Variants in PCBD2 observed in about 807,000 individuals in gnomAD.
PCBD2 encodes pterin-4 alpha-carbinolamine dehydratase 2, also known as pterin-4-alpha-carbinolamine dehydratase 2.
In PCBD2, 12 loss-of-function variants were observed where a neutral mutation model predicts 16.4. The ratio of observed to expected loss-of-function variants is 0.73; its 90% CI spans 0.47 to 1.19. The LOEUF is 1.19. PCBD2 is among the 50% of genes most tolerant of loss of function. The pLI is 0.00. For synonymous variants in PCBD2, 58 were observed against 61.8 expected (o/e 0.94, Z 0.29); for missense variants, 138 against 156.8 (o/e 0.88, Z 0.64).
intron 2 of PCBD2, among the ~76,000 whole-genome samples, chr5:134,941,038 C>A (rs1177831227): frequency 1.3e-5 from 2 of 149,488 alleles, no homozygotes; most frequent in East Asian, 3.9e-4. Flanking sequence ...TCGCTTGAAC[C>A]AGGGAGTTGG....
chr5:134,910,421 G>C lies in PCBD2; in HGVS notation c.171G>C (p.Glu57Asp), dbSNP rs1366860748. The C allele has an allele frequency of 6.2e-7, 1 of 1,614,136 alleles. No individual in the cohort carries two copies. Among genetic ancestry groups the C allele is most frequent in the Non-Finnish European group, 8.5e-7 (1 of 1,179,934 alleles). Residue 57 changes from glutamate to aspartate, a missense_variant, in exon 2 of 4, where the codon GAG becomes GAC. Coordinates refer to ENST00000254908, the MANE Select transcript of PCBD2 (RefSeq NM_032151.5). ...CAGCAGGATGGTCGGAATTAAGTGA[G>C]AGAGATGCCATCTACAAAGAATTCT... is the stretch of plus-strand genomic sequence containing the variant. Reference protein sequence around the residue: ...LKAAGWSELSERDAIYKEFSF... With the variant: ...LKAAGWSELSDRDAIYKEFSF...
At chr5:134,953,609 A>T (rs1751383337) in intron 2 of PCBD2, among the ~76,000 whole-genome samples, 2 of 152,120 alleles carry the variant, frequency 1.3e-5, no homozygotes, top group Admixed American at 1.3e-4. Flanking sequence ...AGCTGGGCCA[A>T]CATGGCGAAA....
At chr5:134,936,575 G>T (rs1331758260) in intron 2 of PCBD2, among the ~76,000 whole-genome samples, 1 of 152,218 alleles carries the variant, frequency 6.6e-6, no homozygotes, top group Non-Finnish European at 1.5e-5. Flanking sequence ...AAGCAGAAAC[G>T]TAAGAAACTG....
intron 2 of PCBD2, among the ~76,000 whole-genome samples, chr5:134,942,602 A>T (rs1751242827): frequency 6.6e-6 from 1 of 152,194 alleles, no homozygotes; most frequent in Non-Finnish European, 1.5e-5. Flanking sequence ...CTATTCAGGT[A>T]TTGCCATTGA....
At chr5:134,912,466 T>C (rs1170426061) in intron 2 of PCBD2, among the ~76,000 whole-genome samples, 1 of 152,192 alleles carries the variant, frequency 6.6e-6, no homozygotes, top group Non-Finnish European at 1.5e-5. Context: ...ATATAGGATT[T>C]GGGCTGTGGT....
At chr5:134,960,356 C>T (rs1261809651) in intron 3 of PCBD2, among the ~76,000 whole-genome samples, 1 of 152,128 alleles carries the variant, frequency 6.6e-6, no homozygotes, top group Non-Finnish European at 1.5e-5. Context: ...TGGAAGAGAA[C>T]TTTTTATTTC....
chr5:134,942,112 TAGAGCAAG>T (rs917254226), intron 2 of PCBD2, among the ~76,000 whole-genome samples: 1 of 108,312 alleles, frequency 9.2e-6, no homozygotes, highest in African/African-American at 3.7e-5. Context: ...GCCTGGGCAA[TAGAGCAAG>T]GCTCTGTCTC....
chr5:134,932,597 C>T (rs566301095), intron 2 of PCBD2, among the ~76,000 whole-genome samples: 2 of 152,250 alleles, frequency 1.3e-5, no homozygotes, highest in East Asian at 1.9e-4. Flanking sequence ...CCTGCCTTCT[C>T]AGGCAGGGAT....
Position 134,920,208 on chromosome 5 carries a change from T to C in PCBD2, c.216+9742T>C, listed in dbSNP as rs185071355. On this transcript the variant is annotated intron_variant, in intron 2 of 3. Transcript: ENST00000254908. ...GTTGCGCTTTTGATCTAGGTTAGAG[T>C]GGGGCATTCTGACTCATTTACTGAA... Among the ~76,000 whole-genome samples, 4 of 152,252 alleles carry C rather than the reference T, an allele frequency of 2.6e-5. No individual in the cohort carries two copies. The East Asian group carries it at 7.7e-4, about 29-fold the overall frequency.
At position 134,959,068 on chromosome 5, in the gene PCBD2, T is replaced by TA; in HGVS notation, c.246dup (p.Gln83ThrfsTer26). ...TTTGGCTTTATGTCCCGAGTTGCCC[T>TA]ACAAGCAGAGAAGATGAATCATCAC... On this transcript the variant is annotated frameshift_variant, in exon 3 of 4. Transcript: ENST00000254908. LOFTEE classifies it high-confidence loss of function. 1.9e-6 allele frequency: 3 copies of TA among 1,614,028 alleles called. No homozygotes were observed. In the South Asian group the frequency reaches 3.3e-5, roughly 18 times the overall value.
At chr5:134,925,172 T>A in intron 2 of PCBD2, 1 of 398,224 alleles carries the variant, frequency 2.5e-6, no homozygotes, top group Non-Finnish European at 4.4e-6. Context: ...CCTGTTAGGG[T>A]GAGAAGAATT....
intron 2 of PCBD2, among the ~76,000 whole-genome samples, chr5:134,919,015 A>G (rs1192272102): frequency 1.3e-5 from 2 of 152,264 alleles, no homozygotes; most frequent in Admixed American, 1.3e-4. Context: ...CAACAATGCA[A>G]ATATGACACC....
intron 2 of PCBD2, among the ~76,000 whole-genome samples, chr5:134,941,386 GA>G (rs1408147301): frequency 6.6e-6 from 1 of 152,034 alleles, no homozygotes; most frequent in Non-Finnish European, 1.5e-5. Flanking sequence ...ACTGGGAGTT[GA>G]AAAAAGGGAT....
intron 2 of PCBD2, among the ~76,000 whole-genome samples, chr5:134,933,707 C>T (rs897210137): frequency 2.0e-5 from 3 of 152,188 alleles, no homozygotes; most frequent in Non-Finnish European, 4.4e-5. Flanking sequence ...ACAAAAGTGT[C>T]AGGGAGCTGT....
chr5:134,956,380 C>T (rs1012619154), intron 2 of PCBD2, among the ~76,000 whole-genome samples: 4 of 152,100 alleles, frequency 2.6e-5, no homozygotes, highest in Non-Finnish European at 5.9e-5. Context: ...AGCCTTATAT[C>T]TGTGATGGAA....
At chr5:134,925,313 T>C (rs1750974147) in intron 2 of PCBD2, 3 of 398,354 alleles carry the variant, frequency 7.5e-6, no homozygotes, top group Non-Finnish European at 1.3e-5. Context: ...AGGAAGGGTA[T>C]TCCTGCCAAT....
At chr5:134,946,382 AAACATGGCTCT>A (rs1751295791) in intron 2 of PCBD2, among the ~76,000 whole-genome samples, 1 of 152,182 alleles carries the variant, frequency 6.6e-6, no homozygotes, top group Non-Finnish European at 1.5e-5. Flanking sequence ...CAGTTTTCTG[AAACATGGCTCT>A]GGCAGGCTTT....
At chr5:134,911,970 C>G (rs1261475106) in intron 2 of PCBD2, among the ~76,000 whole-genome samples, 1 of 152,196 alleles carries the variant, frequency 6.6e-6, no homozygotes, top group Non-Finnish European at 1.5e-5. Flanking sequence ...CTTCTTTAAA[C>G]CTGGCCTAAT....
In PCBD2 at chr5:134,928,022, A is replaced by G. The variant is rs78367828; in HGVS notation, c.216+17556A>G. 34 of 395,232 alleles carry G rather than the reference A, an allele frequency of 8.6e-5. 1 individual carries two copies. The highest frequency in any genetic ancestry group is 1.2e-4 in the Non-Finnish European group (27 of 224,028). 24.5% of individuals were successfully genotyped at this position (395,232 alleles called of 1,614,324 possible). On this transcript the variant is annotated intron_variant, in intron 2 of 3. Coordinates refer to ENST00000254908, the MANE Select transcript of PCBD2 (RefSeq NM_032151.5). The stretch of plus-strand genomic sequence containing the variant: ...GTGGTAGTAATATAATTGTTGGGAC[A>G]ATTAGTTTTAGCATTGGAGTAGGCT...
Sources: gnomAD v4.1 joint callset for allele counts (sites outside exome capture counted in the v4.1 genomes callset) on GRCh38, gnomAD v4.1.1 for gene constraint, MANE v1.5 for transcripts, NCBI Gene and HGNC (gene_info 2026-07-23, HGNC 2026-07-21) for gene names.